ZNF671: variants seen among roughly 807,000 people sequenced by gnomAD.
The protein encoded by ZNF671 is zinc finger protein 671.
Under a neutral mutation model 16.6 loss-of-function variants are expected in ZNF671, and 19 were observed. That is an observed-to-expected ratio of 1.14 (90% confidence interval 0.80 to 1.68). The LOEUF (loss-of-function observed/expected upper bound fraction) is 1.68. ZNF671 is among the 40% of genes most tolerant of loss of function. The probability of loss-of-function intolerance (pLI) is 0.00; values close to 1 mark genes in which losing one functional copy is unlikely to be tolerated. For missense variants in ZNF671, 637 were observed against 659.8 expected (o/e 0.97, Z 0.38); for synonymous variants, 238 against 236.3 (o/e 1.01, Z -0.06).
Position 57,720,197 on chromosome 19 carries a change from G to T in ZNF671, c.*284C>A, listed in dbSNP as rs1985799302. On this transcript the variant is annotated 3_prime_UTR_variant, in exon 4 of 4. Coordinates refer to ENST00000317398, the MANE Select transcript of ZNF671 (RefSeq NM_024833.3). ...GACACTCACAGGGAATCTCCCCAGT[G>T]GGAATGTCCATATCTATGAAGTTTC... 2 of 448,672 alleles carry T rather than the reference G, an allele frequency of 4.5e-6. No homozygotes were observed. Among genetic ancestry groups the T allele is most frequent in the Non-Finnish European group, 4.0e-6 (1 of 248,156 alleles). The allele number at this position is 448,672 out of a possible 1,614,324, so 27.8% of individuals were successfully genotyped here. A position where few individuals can be genotyped will look rare whatever the true frequency, so the allele number is the denominator to read the frequency against.
intron 1 of ZNF671, 152 bp from the exon 2 acceptor site, chr19:57,723,492 A>T (rs1600052689): frequency 1.2e-6 from 1 of 821,724 alleles, no homozygotes; most frequent in African/African-American, 1.7e-5. Context: ...TCTCCTGATC[A>T]CCCCAGCAAT....
chr19:57,721,315 A>C lies in ZNF671; in HGVS notation c.771T>G (p.Leu257=), dbSNP rs760423242. The C allele has an allele frequency of 3.9e-5, 62 of 1,601,592 alleles. No individual in the cohort carries two copies. In the East Asian group the frequency reaches 1.4e-3, roughly 35 times the overall value. The part of the protein sequence containing the change: ...RRDFSATSGL[L]QHQASLSSMK... ...TGCTGCTGAGAGAGGCCTGATGCTG[A>C]AGAAGGCCAGATGTGGCTGAAAAGT... Residue 257 remains leucine (L), a synonymous_variant, in exon 4 of 4, where the codon CTT becomes CTG. Transcript: ENST00000317398.
At chr19:57,721,966 G>T in intron 3 of ZNF671, 1 of 567,138 alleles carries the variant, frequency 1.8e-6, no homozygotes, top group Non-Finnish European at 3.1e-6. Context: ...ACTCGTGAGT[G>T]CTATGAAAAA....
chr19:57,720,853 T>C lies in ZNF671; in HGVS notation c.1233A>G (p.Thr411=). ...ECGKEFSRKH[T]LVLHQRTHTG... ...TGTGAGTTCGTTGGTGCAGAACAAGTGTGTGTTTCCGACTGAACTCTTTCC... is the reference window on the plus strand; with the variant it reads ...TGTGAGTTCGTTGGTGCAGAACAAGCGTGTGTTTCCGACTGAACTCTTTCC... Residue 411 remains threonine, a synonymous_variant, in exon 4 of 4, where the codon ACA becomes ACG. Transcript: ENST00000317398. 6.2e-7 allele frequency: 1 copy of C among 1,613,508 alleles called. No individual in the cohort carries two copies. The highest frequency in any genetic ancestry group is 8.5e-7 in the Non-Finnish European group (1 of 1,179,886).
In ZNF671 at chr19:57,727,568, A is replaced by G. The variant is rs746516230; in HGVS notation, c.-40T>C. The G allele has an allele frequency of 1.9e-6, 3 of 1,574,534 alleles. No homozygotes were observed. Among genetic ancestry groups the G allele is most frequent in the Non-Finnish European group, 2.6e-6 (3 of 1,152,934 alleles). On this transcript the variant is annotated 5_prime_UTR_variant, in exon 1 of 4. Transcript: ENST00000317398. ...CCCAACACCTCCACCTGCGGCCCACACAAGCGTTACAGAACCCCGGCCAGG... is the reference window on the plus strand; with the variant it reads ...CCCAACACCTCCACCTGCGGCCCACGCAAGCGTTACAGAACCCCGGCCAGG...
intron 1 of ZNF671, among the ~76,000 whole-genome samples, chr19:57,724,520 C>A (rs1985981892): frequency 6.9e-6 from 1 of 144,750 alleles, no homozygotes; most frequent in African/African-American, 2.6e-5. Flanking sequence ...TCAGAAGACA[C>A]ATAACAATTT....
Position 57,721,505 on chromosome 19 carries a change from C to T in ZNF671, c.581G>A (p.Cys194Tyr), listed in dbSNP as rs1465409153. 4 of 1,614,100 alleles carry T rather than the reference C, an allele frequency of 2.5e-6. No individual in the cohort carries two copies. In the African/African-American group the frequency reaches 4.0e-5, roughly 16 times the overall value. The change falls in exon 4 of 4, where the codon TGT becomes TAT. Residue 194 changes from cysteine (C) to tyrosine (Y), a missense_variant. Physicochemically the swap from Cys to Tyr is radical, Grantham distance 194 (BLOSUM62 -2). Coordinates refer to ENST00000317398, the MANE Select transcript of ZNF671 (RefSeq NM_024833.3). ...GGKARQKPYL[C>Y]GACGKQFWFS... ...CCAGAATTGCTTTCCACATGCCCCA[C>T]ACAAGTATGGTTTCTGCCTGGCTTT...
rs1341194054 is a variant in ZNF671 at position 57,721,716 on chromosome 19, C to T, written c.389-19G>A. The T allele has an allele frequency of 6.2e-7, 1 of 1,602,894 alleles. No individual in the cohort carries two copies. Among genetic ancestry groups the T allele is most frequent in the Middle Eastern group, 1.7e-4 (1 of 6,022 alleles). On this transcript the variant is annotated intron_variant, in intron 3 of 3. Coordinates refer to ENST00000317398, the MANE Select transcript of ZNF671 (RefSeq NM_024833.3). ...CAACAACCTGAAGAACACACAAATG[C>T]TGATTAAATGCATATTTACGGGTGG...
At chr19:57,725,646 C>T (rs1255300547) in intron 1 of ZNF671, among the ~76,000 whole-genome samples, 1 of 146,844 alleles carries the variant, frequency 6.8e-6, no homozygotes, top group Non-Finnish European at 1.5e-5. Context: ...CAAAACAAAA[C>T]AAAACCTGGC....
chr19:57,723,613 C>T (rs117253331), intron 1 of ZNF671, among the ~76,000 whole-genome samples: 9,772 of 152,160 alleles, frequency 0.064, 424 homozygotes, highest in Non-Finnish European at 0.098. Context: ...CAGGTATGAA[C>T]CTAGGCTCAT....
At chr19:57,722,153 G>A (rs1985897608) in intron 3 of ZNF671, 163 bp downstream of exon 3, 4 of 1,177,656 alleles carry the variant, frequency 3.4e-6, no homozygotes, top group Admixed American at 4.9e-5. Flanking sequence ...GTGGCAAGGG[G>A]CTAACAAACT....
In ZNF671 at chr19:57,726,327, AT is replaced by A. The variant is rs758071588; in HGVS notation, c.138+1063del. ...CTTCGTCTCAAAAAAAATAAAAAAA[AT>A]AAATAAACTAAAACTAAAAGAAAAC... On this transcript the variant is annotated intron_variant, in intron 1 of 3. Coordinates refer to ENST00000317398, the MANE Select transcript of ZNF671 (RefSeq NM_024833.3). Among the ~76,000 whole-genome samples the A allele has an allele frequency of 1.4e-4, 22 of 151,992 alleles. No homozygotes were observed. The East Asian group carries it at 3.7e-3, about 25-fold the overall frequency.
At position 57,721,654 on chromosome 19, in the gene ZNF671, C is replaced by T. The variant is rs141766351; in HGVS notation, c.432G>A (p.Gln144=). The change falls in exon 4 of 4, where the codon CAG becomes CAA. Residue 144 remains glutamine (Q), a synonymous_variant. Coordinates refer to ENST00000317398, the MANE Select transcript of ZNF671 (RefSeq NM_024833.3). ...GVEDEEVSSE[Q]SIFVAGVSEV... Reference sequence around the variant, plus strand: ...CTGACACTCCTGCTACAAAAATGCTCTGCTCAGAAGATACCTCTTCATCCT... The same window carrying T: ...CTGACACTCCTGCTACAAAAATGCTTTGCTCAGAAGATACCTCTTCATCCT... 3 of 1,614,070 alleles carry T rather than the reference C, an allele frequency of 1.9e-6. No individual in the cohort carries two copies. The highest frequency in any genetic ancestry group is 2.5e-6 in the Non-Finnish European group (3 of 1,180,028).
Position 57,721,185 on chromosome 19 carries a change from C to T in ZNF671, c.901G>A (p.Ala301Thr). 1 of 1,612,730 alleles carries T rather than the reference C, an allele frequency of 6.2e-7. No individual in the cohort carries two copies. The highest frequency in any genetic ancestry group is 1.1e-5 in the South Asian group (1 of 90,932). Residue 301 changes from alanine (A) to threonine (T), a missense_variant, in exon 4 of 4, where the codon GCT becomes ACT. Transcript: ENST00000317398. ...GKAFTRKDTL[A>T]RHQRIHTGER... The stretch of plus-strand genomic sequence containing the variant: ...CCAGTGTGGATTCTCTGATGCCGAG[C>T]AAGTGTGTCTTTGCGGGTGAAGGCT...
In ZNF671 at chr19:57,721,506, A is replaced by T; in HGVS notation, c.580T>A (p.Cys194Ser). The T allele has an allele frequency of 6.2e-7, 1 of 1,614,168 alleles. No individual in the cohort carries two copies. Among genetic ancestry groups the T allele is most frequent in the Non-Finnish European group, 8.5e-7 (1 of 1,180,028 alleles). Residue 194 changes from cysteine to serine, a missense_variant, in exon 4 of 4, where the codon TGT becomes AGT. By Grantham distance (112) the Cys-to-Ser change is moderately radical. Coordinates refer to ENST00000317398, the MANE Select transcript of ZNF671 (RefSeq NM_024833.3). ...GGKARQKPYL[C>S]GACGKQFWFS... is the part of the protein sequence containing the mutation. ...CAGAATTGCTTTCCACATGCCCCAC[A>T]CAAGTATGGTTTCTGCCTGGCTTTT...
At position 57,720,977 on chromosome 19, in the gene ZNF671, TGATA is replaced by T; in HGVS notation, c.1105_1108del (p.Tyr369SerfsTer188). On this transcript the variant is annotated frameshift_variant, in exon 4 of 4. Coordinates refer to ENST00000317398, the MANE Select transcript of ZNF671 (RefSeq NM_024833.3). LOFTEE classifies it low-confidence loss of function (END_TRUNC). ...AAAAAATTTCCCACATTTGCCACACTGATAGAGTCTTTCACCCGTGTGAACTCGC... is the reference window on the plus strand; with the variant it reads ...AAAAAATTTCCCACATTTGCCACACTGAGTCTTTCACCCGTGTGAACTCGC... The T allele has an allele frequency of 6.2e-7, 1 of 1,614,188 alleles. No individual in the cohort carries two copies. Among genetic ancestry groups the T allele is most frequent in the East Asian group, 2.2e-5 (1 of 44,882 alleles).
rs1986089717 is a variant in ZNF671 at position 57,727,463 on chromosome 19, TC to T, written c.65del (p.Arg22HisfsTer20). On this transcript the variant is annotated frameshift_variant, in exon 1 of 4. Coordinates refer to ENST00000317398, the MANE Select transcript of ZNF671 (RefSeq NM_024833.3). LOFTEE classifies it high-confidence loss of function. ...ALQGRKCLRP[R>X]SRRLPLPAAV... Reference sequence around the variant, plus strand: ...CTGCCGGGAGCGGCAGGCGTCTCGATCGGGGACGCAGGCACTTCCGTCCCTG... The same window carrying T: ...CTGCCGGGAGCGGCAGGCGTCTCGATGGGGACGCAGGCACTTCCGTCCCTG... 1 of 1,612,732 alleles carries T rather than the reference TC, an allele frequency of 6.2e-7. No homozygotes were observed. Among genetic ancestry groups the T allele is most frequent in the African/African-American group, 1.3e-5 (1 of 74,874 alleles).
chr19:57,721,016 A>C lies in ZNF671; in HGVS notation c.1070T>G (p.Ile357Ser). ...ACCCGTGTGAACTCGCCTGTGCTCA[A>C]TCAGGCCGGAGATTTGTCTAAAGAA... ...GKFFRQISGL[I>S]EHRRVHTGER... The change falls in exon 4 of 4, where the codon ATT (isoleucine) becomes AGT (serine). Residue 357 changes from isoleucine to serine, a missense_variant. Coordinates refer to ENST00000317398, the MANE Select transcript of ZNF671 (RefSeq NM_024833.3). The C allele has an allele frequency of 6.2e-7, 1 of 1,613,900 alleles. No homozygotes were observed. Among genetic ancestry groups the C allele is most frequent in the Non-Finnish European group, 8.5e-7 (1 of 1,179,982 alleles).
chr19:57,721,275 T>C lies in ZNF671; in HGVS notation c.811A>G (p.Ser271Gly). ...AGAAAGCCACTCACAAGCTTAGTGC[T>C]CTTGTGGGGCTTCATGCTGCTGAGA... The part of the protein sequence containing the change: ...ASLSSMKPHK[S>G]TKLVSGFLMG... Residue 271 changes from serine to glycine, a missense_variant, in exon 4 of 4, where the codon AGC (serine) becomes GGC (glycine). Transcript: ENST00000317398. The C allele has an allele frequency of 6.3e-7, 1 of 1,592,510 alleles. No individual in the cohort carries two copies. The highest frequency in any genetic ancestry group is 1.3e-5 in the African/African-American group (1 of 74,624).
Sources: gnomAD v4.1 joint callset for allele counts (sites outside exome capture counted in the v4.1 genomes callset) on GRCh38, gnomAD v4.1.1 for gene constraint, MANE v1.5 for transcripts, NCBI Gene and HGNC (gene_info 2026-07-23, HGNC 2026-07-21) for gene names.